Variants in MIF observed in about 807,000 individuals in gnomAD.
MIF encodes the protein L-dopachrome isomerase.
A neutral mutation model predicts 11.3 loss-of-function variants in MIF; 16 were observed. The observed-to-expected ratio is 1.42, with a 90% CI of 0.96 to 2.16. The LOEUF (loss-of-function observed/expected upper bound fraction) is 2.16. Among genes scored for constraint, MIF ranks in the 30% most tolerant of loss-of-function variants. The pLI, the probability that MIF is intolerant of heterozygous loss-of-function variation, is 0.00. For missense variants in MIF, 229 were observed against 165.3 expected (o/e 1.39, Z -2.11); for synonymous variants, 83 against 74.2 (o/e 1.12, Z -0.61).
chr22:23,894,514 T>C lies in MIF; in HGVS notation c.40T>C (p.Ser14Pro). The change falls in exon 1 of 3, where the codon TCC becomes CCC. Residue 14 changes from serine to proline, a missense_variant. By Grantham distance (74) the Ser-to-Pro change is moderately conservative. Coordinates refer to ENST00000215754, the MANE Select transcript of MIF (RefSeq NM_002415.2). ...FIVNTNVPRA[S>P]VPDGFLSELT... ...CGTAAACACCAACGTGCCCCGCGCC[T>C]CCGTGCCGGACGGGTTCCTCTCCGA... is the stretch of plus-strand genomic sequence containing the variant. 6.2e-7 allele frequency: 1 copy of C among 1,613,208 alleles called. No individual in the cohort carries two copies. Among genetic ancestry groups the C allele is most frequent in the Non-Finnish European group, 8.5e-7 (1 of 1,179,822 alleles).
In MIF at chr22:23,895,210, C is replaced by A. The variant is rs754132407; in HGVS notation, c.*104C>A. ...CAACCTTCTGGTGGGGAGAAATAAA[C>A]GGTTTAGAGACTAGGAGTGCCTCGG... is the stretch of plus-strand genomic sequence containing the variant. On this transcript the variant is annotated 3_prime_UTR_variant, in exon 3 of 3. Transcript: ENST00000215754. 1.6e-6 allele frequency: 2 copies of A among 1,245,478 alleles called. No individual in the cohort carries two copies. The highest frequency in any genetic ancestry group is 3.0e-5 in the African/African-American group (2 of 66,848). 77.2% of individuals were successfully genotyped at this position (1,245,478 alleles called of 1,614,324 possible).
chr22:23,894,607 G>T, intron 1 of MIF, 25 bp downstream of exon 1: 6 of 1,600,496 alleles, frequency 3.7e-6, no homozygotes, highest in Non-Finnish European at 5.1e-6. Flanking sequence ...GACAGGAAGA[G>T]GGGGGTGCCC....
In MIF at chr22:23,895,027, C is replaced by T. The variant is rs757299518; in HGVS notation, c.282-13C>T. Reference sequence around the variant, plus strand: ...CTGAGCCACCCGCTGAGTCCGGCCTCCTCCCCCCGCAGGGTCTACATCAAC... The same window carrying T: ...CTGAGCCACCCGCTGAGTCCGGCCTTCTCCCCCCGCAGGGTCTACATCAAC... On this transcript the variant is annotated splice_polypyrimidine_tract_variant and intron_variant, in intron 2 of 2. Transcript: ENST00000215754. The T allele has an allele frequency of 1.9e-6, 3 of 1,543,816 alleles. No individual in the cohort carries two copies. The highest frequency in any genetic ancestry group is 3.9e-5 in the Admixed American group (2 of 50,986).
Position 23,894,592 on chromosome 22 carries a change from GAGGGGAC to G in MIF, c.108+14_108+20del. 4 of 1,610,642 alleles carry G rather than the reference GAGGGGAC, an allele frequency of 2.5e-6. No homozygotes were observed. The highest frequency in any genetic ancestry group is 1.3e-5 in the African/African-American group (1 of 74,972). ...CGGCAAGCCCCCCCAGGTTTGCCGG[GAGGGGAC>G]AGGAAGAGGGGGGTGCCCACCGGAC... On this transcript the variant is annotated intron_variant, in intron 1 of 2. Transcript: ENST00000215754.
chr22:23,895,179 C>G lies in MIF; in HGVS notation c.*73C>G. On this transcript the variant is annotated 3_prime_UTR_variant, in exon 3 of 3. Coordinates refer to ENST00000215754, the MANE Select transcript of MIF (RefSeq NM_002415.2). ...GCCGCACGCTGTGTTCTAGGCCCGC[C>G]CACCCCAACCTTCTGGTGGGGAGAA... The G allele has an allele frequency of 7.0e-7, 1 of 1,419,332 alleles. No individual in the cohort carries two copies. The highest frequency in any genetic ancestry group is 9.7e-7 in the Non-Finnish European group (1 of 1,026,454). 87.9% of individuals were successfully genotyped at this position (1,419,332 alleles called of 1,614,324 possible).
At position 23,894,945 on chromosome 22, in the gene MIF, G is replaced by A. The variant is rs2033130155; in HGVS notation, c.281+1G>A. 1.3e-6 allele frequency: 2 copies of A among 1,552,368 alleles called. No individual in the cohort carries two copies. Among genetic ancestry groups the A allele is most frequent in the Non-Finnish European group, 1.7e-6 (2 of 1,148,140 alleles). ...AGCGCCTGCGCATCAGCCCGGACAG[G>A]TACGCGGAGTCGCGGAGGGGCGGGG... On this transcript the variant is annotated splice_donor_variant, in intron 2 of 2. Transcript: ENST00000215754. LOFTEE classifies it high-confidence loss of function.
chr22:23,894,601 G>T lies in MIF; in HGVS notation c.108+19G>T, dbSNP rs745848041. 1 of 1,606,046 alleles carries T rather than the reference G, an allele frequency of 6.2e-7. No homozygotes were observed. The highest frequency in any genetic ancestry group is 8.5e-7 in the Non-Finnish European group (1 of 1,174,702). On this transcript the variant is annotated intron_variant, in intron 1 of 2. Coordinates refer to ENST00000215754, the MANE Select transcript of MIF (RefSeq NM_002415.2). ...CCCCCAGGTTTGCCGGGAGGGGACAGGAAGAGGGGGGTGCCCACCGGACGA... is the reference window on the plus strand; with the variant it reads ...CCCCCAGGTTTGCCGGGAGGGGACATGAAGAGGGGGGTGCCCACCGGACGA...
At position 23,894,911 on chromosome 22, in the gene MIF, T is replaced by C; in HGVS notation, c.248T>C (p.Leu83Pro). Residue 83 changes from leucine to proline, a missense_variant, in exon 2 of 3, where the codon CTG becomes CCG. Leu to Pro is a moderately conservative substitution (Grantham distance 98). Coordinates refer to ENST00000215754, the MANE Select transcript of MIF (RefSeq NM_002415.2). Reference protein sequence around the residue: ...NRSYSKLLCGLLAERLRISPD... With the variant: ...NRSYSKLLCGPLAERLRISPD... ...TCCTACAGCAAGCTGCTGTGCGGCC[T>C]GCTGGCCGAGCGCCTGCGCATCAGC... 1 of 1,553,964 alleles carries C rather than the reference T, an allele frequency of 6.4e-7. No homozygotes were observed. Among genetic ancestry groups the C allele is most frequent in the South Asian group, 1.2e-5 (1 of 84,630 alleles).
rs199774339 is a variant in MIF, at chr22:23,894,938, C to T, written c.275C>T (p.Pro92Leu). 6.4e-7 allele frequency: 1 copy of T among 1,552,932 alleles called. No individual in the cohort carries two copies. Among genetic ancestry groups the T allele is most frequent in the Non-Finnish European group, 8.7e-7 (1 of 1,148,766 alleles). The change falls in exon 2 of 3, where the codon CCG becomes CTG. Residue 92 changes from proline to leucine, a missense_variant. Physicochemically the swap from Pro to Leu is moderately conservative, Grantham distance 98. Coordinates refer to ENST00000215754, the MANE Select transcript of MIF (RefSeq NM_002415.2). ...GLLAERLRISPDRVYINYYDM... is the reference protein window; with the variant it reads ...GLLAERLRISLDRVYINYYDM... The stretch of plus-strand genomic sequence containing the variant: ...CTGGCCGAGCGCCTGCGCATCAGCC[C>T]GGACAGGTACGCGGAGTCGCGGAGG...
chr22:23,894,636 C>G lies in MIF; in HGVS notation c.108+54C>G, dbSNP rs1033854869. Reference sequence around the variant, plus strand: ...GGTGCCCACCGGACGAGGGGTTCCGCGCTGGGAGCTGGGGAGGCGACTCCT... The same window carrying G: ...GGTGCCCACCGGACGAGGGGTTCCGGGCTGGGAGCTGGGGAGGCGACTCCT... On this transcript the variant is annotated intron_variant, in intron 1 of 2. Transcript: ENST00000215754. 6 of 1,492,774 alleles carry G rather than the reference C, an allele frequency of 4.0e-6. No individual in the cohort carries two copies. In the African/African-American group the frequency reaches 4.2e-5, roughly 10 times the overall value. 92.5% of individuals were successfully genotyped at this position (1,492,774 alleles called of 1,614,324 possible).
chr22:23,895,000 G>C lies in MIF; in HGVS notation c.282-40G>C, dbSNP rs200766846. 2.2e-5 allele frequency: 34 copies of C among 1,541,776 alleles called. No homozygotes were observed. The East Asian group carries it at 7.6e-4, about 34-fold the overall frequency. ...GGCGGCGGCGCGCGGCCAGGCCCGG[G>C]ACTGAGCCACCCGCTGAGTCCGGCC... On this transcript the variant is annotated intron_variant, in intron 2 of 2. Transcript: ENST00000215754.
rs2033111339 is a variant in MIF, at chr22:23,894,392, C to G, written c.-83C>G. 8.6e-7 allele frequency: 1 copy of G among 1,163,650 alleles called. No homozygotes were observed. Among genetic ancestry groups the G allele is most frequent in the South Asian group, 1.2e-5 (1 of 80,124 alleles). 72.1% of individuals were successfully genotyped at this position (1,163,650 alleles called of 1,614,324 possible). A position where few individuals can be genotyped will look rare whatever the true frequency, so the allele number is the denominator to read the frequency against. On this transcript the variant is annotated 5_prime_UTR_variant, in exon 1 of 3. Transcript: ENST00000215754. ...CAAAAGGCGGGACCACAGTGGTGTC[C>G]GAGAAGTCAGGCACGTAGCTCAGCG...
chr22:23,894,394 A>T lies in MIF; in HGVS notation c.-81A>T. On this transcript the variant is annotated 5_prime_UTR_variant, in exon 1 of 3. Coordinates refer to ENST00000215754, the MANE Select transcript of MIF (RefSeq NM_002415.2). ...AAAGGCGGGACCACAGTGGTGTCCG[A>T]GAAGTCAGGCACGTAGCTCAGCGGC... 8.5e-7 allele frequency: 1 copy of T among 1,179,830 alleles called. No homozygotes were observed. Among genetic ancestry groups the T allele is most frequent in the Non-Finnish European group, 1.3e-6 (1 of 793,046 alleles). The allele number at this position is 1,179,830 out of a possible 1,614,324, so 73.1% of individuals were successfully genotyped here.
In MIF at chr22:23,894,901, C is replaced by T. The variant is rs770074228; in HGVS notation, c.238C>T (p.Leu80=). Residue 80 remains leucine, a synonymous_variant, in exon 2 of 3, where the codon CTG becomes TTG. Transcript: ENST00000215754. The part of the protein sequence containing the change: ...GAQNRSYSKL[L]CGLLAERLRI... ...GCAGAACCGCTCCTACAGCAAGCTG[C>T]TGTGCGGCCTGCTGGCCGAGCGCCT... 1 of 1,554,284 alleles carries T rather than the reference C, an allele frequency of 6.4e-7. No homozygotes were observed. The highest frequency in any genetic ancestry group is 1.2e-5 in the South Asian group (1 of 84,664).
In MIF at chr22:23,894,843, C is replaced by T; in HGVS notation, c.180C>T (p.Cys60=). Reference sequence around the variant, plus strand: ...GCTCCAGCGAGCCGTGCGCGCTCTGCAGCCTGCACAGCATCGGCAAGATCG... The same window carrying T: ...GCTCCAGCGAGCCGTGCGCGCTCTGTAGCCTGCACAGCATCGGCAAGATCG... ...FGGSSEPCAL[C]SLHSIGKIGG... Residue 60 remains cysteine (C), a synonymous_variant, in exon 2 of 3, where the codon TGC becomes TGT. Coordinates refer to ENST00000215754, the MANE Select transcript of MIF (RefSeq NM_002415.2). 6.4e-7 allele frequency: 1 copy of T among 1,555,318 alleles called. No individual in the cohort carries two copies. Among genetic ancestry groups the T allele is most frequent in the South Asian group, 1.2e-5 (1 of 85,336 alleles).
rs746043539 is a variant in MIF, at chr22:23,894,888, C to T, written c.225C>T (p.Ser75=). The T allele has an allele frequency of 1.2e-5, 19 of 1,553,602 alleles. No homozygotes were observed. The South Asian group carries it at 2.1e-4, about 17-fold the overall frequency. Residue 75 remains serine (S), a synonymous_variant, in exon 2 of 3, where the codon TCC becomes TCT. Transcript: ENST00000215754. ...IGKIGGAQNR[S]YSKLLCGLLA... is the part of the protein sequence containing the mutation. ...AGATCGGCGGCGCGCAGAACCGCTC[C>T]TACAGCAAGCTGCTGTGCGGCCTGC...
Position 23,895,028 on chromosome 22 carries a change from C to G in MIF, c.282-12C>G. 6.5e-7 allele frequency: 1 copy of G among 1,544,180 alleles called. No homozygotes were observed. The highest frequency in any genetic ancestry group is 8.7e-7 in the Non-Finnish European group (1 of 1,142,934). On this transcript the variant is annotated splice_polypyrimidine_tract_variant and intron_variant, in intron 2 of 2. Transcript: ENST00000215754. ...TGAGCCACCCGCTGAGTCCGGCCTC[C>G]TCCCCCCGCAGGGTCTACATCAACT...
In MIF at chr22:23,894,427, G is replaced by A; in HGVS notation, c.-48G>A. The A allele has an allele frequency of 6.7e-7, 1 of 1,488,526 alleles. No homozygotes were observed. The highest frequency in any genetic ancestry group is 9.4e-7 in the Non-Finnish European group (1 of 1,069,186). The allele number at this position is 1,488,526 out of a possible 1,614,324, so 92.2% of individuals were successfully genotyped here. On this transcript the variant is annotated 5_prime_UTR_variant, in exon 1 of 3. Coordinates refer to ENST00000215754, the MANE Select transcript of MIF (RefSeq NM_002415.2). ...GGCACGTAGCTCAGCGGCGGCCGCG[G>A]CGCGTGCGTCTGTGCCTCTGCGCGG...
In MIF at chr22:23,895,176, C is replaced by T. The variant is rs915864492; in HGVS notation, c.*70C>T. ...CCCGCCGCACGCTGTGTTCTAGGCC[C>T]GCCCACCCCAACCTTCTGGTGGGGA... On this transcript the variant is annotated 3_prime_UTR_variant, in exon 3 of 3. Coordinates refer to ENST00000215754, the MANE Select transcript of MIF (RefSeq NM_002415.2). 9.0e-6 allele frequency: 13 copies of T among 1,447,056 alleles called. No homozygotes were observed. The highest frequency in any genetic ancestry group is 2.8e-5 in the African/African-American group (2 of 70,884). 89.6% of individuals were successfully genotyped at this position (1,447,056 alleles called of 1,614,324 possible).
Sources: allele counts gnomAD v4.1 joint callset, GRCh38; gene constraint gnomAD v4.1.1; transcripts MANE v1.5; gene names NCBI Gene and HGNC (gene_info 2026-07-23, HGNC 2026-07-21).